F13A1: variants seen among roughly 807,000 people sequenced by gnomAD.
F13A1 encodes FSF, A subunit.
Under a neutral mutation model 80.1 loss-of-function variants are expected in F13A1, and 47 were observed. The observed-to-expected ratio is 0.59, with a 90% CI of 0.46 to 0.75. The LOEUF (loss-of-function observed/expected upper bound fraction) is 0.75, where lower values mean the gene tolerates loss of function less well. Ranked by LOEUF, F13A1 falls within the 30% of genes least tolerant of loss-of-function variation. The pLI is 0.00. For synonymous variants in F13A1, 349 were observed against 344.9 expected, an observed-to-expected ratio of 1.01 and a Z score of -0.13; for missense variants, 817 against 930.4, an observed-to-expected ratio of 0.88 and a Z score of 1.59.
chr6:6,196,931 C>T (rs1403003209), intron 9 of F13A1, among the ~76,000 whole-genome samples: 4 of 152,188 alleles, frequency 2.6e-5, no homozygotes, highest in Non-Finnish European at 5.9e-5. Flanking sequence ...AGTAAAAATG[C>T]TTACAGATAT....
At chr6:6,166,246 A>G (rs1414976849) in intron 13 of F13A1, among the ~76,000 whole-genome samples, 1 of 152,216 alleles carries the variant, frequency 6.6e-6, no homozygotes, top group Non-Finnish European at 1.5e-5. Context: ...TTGGTGGTTG[A>G]AAATGCAACC....
chr6:6,227,924 T>G (rs1241954459), intron 6 of F13A1, among the ~76,000 whole-genome samples: 1 of 152,216 alleles, frequency 6.6e-6, no homozygotes, highest in East Asian at 1.9e-4. Context: ...GTTTTCTAAT[T>G]AGAACATTGA....
At chr6:6,193,587 A>T (rs777380601) in intron 10 of F13A1, among the ~76,000 whole-genome samples, 1 of 152,234 alleles carries the variant, frequency 6.6e-6, no homozygotes. Flanking sequence ...TCTGTCAGAC[A>T]CGCCTCTGCA....
At chr6:6,152,737 C>T (rs73357516) in intron 13 of F13A1, among the ~76,000 whole-genome samples, 6,362 of 152,208 alleles carry the variant, frequency 0.042, 447 homozygotes, top group African/African-American at 0.15. Context: ...ATTACTATAC[C>T]TTAAGCTGTG....
At chr6:6,310,512 A>G (rs1006276767) in intron 2 of F13A1, among the ~76,000 whole-genome samples, 43 of 152,070 alleles carry the variant, frequency 2.8e-4, no homozygotes, top group Admixed American at 2.2e-3. Context: ...GTTTATTATT[A>G]TTGTTGTTGT....
At chr6:6,317,071 A>G (rs1758696137) in intron 2 of F13A1, among the ~76,000 whole-genome samples, 1 of 152,134 alleles carries the variant, frequency 6.6e-6, no homozygotes, top group African/African-American at 2.4e-5. Flanking sequence ...TCCAGTGCCT[A>G]CACCCCCTTT....
rs117396225 is a variant in F13A1 at position 6,194,180 on chromosome 6, T to G, written c.1305+1617A>C. ...TCATAACAACCCCTCCAATCCGTGTTCCACAAGGCTGTCAGCACCTTGCCC... is the reference window on the plus strand; with the variant it reads ...TCATAACAACCCCTCCAATCCGTGTGCCACAAGGCTGTCAGCACCTTGCCC... On this transcript the variant is annotated intron_variant, in intron 10 of 14. Transcript: ENST00000264870. 3.5e-4 allele frequency among the ~76,000 whole-genome samples: 53 copies of G among 152,222 alleles called. No individual in the cohort carries two copies. The East Asian group carries it at 0.01, about 29-fold the overall frequency.
intron 2 of F13A1, among the ~76,000 whole-genome samples, chr6:6,309,516 A>G (rs921752934): frequency 1.3e-5 from 2 of 152,180 alleles, no homozygotes; most frequent in Non-Finnish European, 2.9e-5. Flanking sequence ...TAGTTGCTTA[A>G]GAAATTGAAA....
At chr6:6,305,142 G>A in intron 3 of F13A1, 1 of 629,616 alleles carries the variant, frequency 1.6e-6, no homozygotes, top group East Asian at 2.8e-5. Context: ...ATTTATATGA[G>A]ATTTTCTCCT....
intron 6 of F13A1, among the ~76,000 whole-genome samples, chr6:6,225,555 T>C (rs1757265297): frequency 6.6e-6 from 1 of 152,150 alleles, no homozygotes; most frequent in Admixed American, 6.6e-5. Flanking sequence ...TCACACAGGC[T>C]GGAATGCAGT....
chr6:6,312,550 T>G lies in F13A1; in HGVS notation c.130+5985A>C, dbSNP rs184825202. On this transcript the variant is annotated intron_variant, in intron 2 of 14. Coordinates refer to ENST00000264870, the MANE Select transcript of F13A1 (RefSeq NM_000129.4). Reference sequence around the variant, plus strand: ...AAAGTTAGCTGGTCGTGGTGGCACGTGCCTGTAGTCCCAGCTACTCGGGAG... The same window carrying G: ...AAAGTTAGCTGGTCGTGGTGGCACGGGCCTGTAGTCCCAGCTACTCGGGAG... 1.2e-4 allele frequency among the ~76,000 whole-genome samples: 2 copies of G among 16,678 alleles called. 1 individual carries two copies. Among genetic ancestry groups the G allele is most frequent in the Non-Finnish European group, 2.1e-4 (2 of 9,582 alleles). The allele number at this position is 16,678 out of a possible 152,430, so 10.9% of individuals were successfully genotyped here.
intron 8 of F13A1, among the ~76,000 whole-genome samples, chr6:6,206,039 C>T (rs776277540): frequency 1.3e-5 from 2 of 152,062 alleles, no homozygotes; most frequent in African/African-American, 2.4e-5. Flanking sequence ...ATTTTGAGAG[C>T]ATTTGTTTGT....
intron 6 of F13A1, among the ~76,000 whole-genome samples, chr6:6,247,210 A>G (rs1461605213): frequency 6.6e-6 from 1 of 152,068 alleles, no homozygotes; most frequent in Admixed American, 6.5e-5. Context: ...AAAGCTAACC[A>G]GAAATTATAT....
chr6:6,297,444 A>G, intron 3 of F13A1, among the ~76,000 whole-genome samples: 1 of 151,064 alleles, frequency 6.6e-6, no homozygotes. Context: ...TGGTCTATTC[A>G]GAGATTCAAC....
At chr6:6,265,086 C>T (rs988331945) in intron 4 of F13A1, among the ~76,000 whole-genome samples, 1 of 152,122 alleles carries the variant, frequency 6.6e-6, no homozygotes, top group Non-Finnish European at 1.5e-5. Context: ...CATAGTGACA[C>T]CACGTCTCTA....
Position 6,243,969 on chromosome 6 carries a change from G to C in F13A1, c.798+4343C>G, listed in dbSNP as rs748816450. Among the ~76,000 whole-genome samples the C allele has an allele frequency of 3.5e-4, 54 of 152,182 alleles. No individual in the cohort carries two copies. The highest frequency in any genetic ancestry group is 6.2e-4 in the Non-Finnish European group (42 of 68,034). On this transcript the variant is annotated intron_variant, in intron 6 of 14. Transcript: ENST00000264870. This position sits in a 1 kb window ranked among gnomAD's most constrained non-coding sequence, Gnocchi z 4.2. ...TAGTTGCTGCCAGATCCTATCAGTCGGGAGGCAGGAACAGGCATAGACAGG... is the reference window on the plus strand; with the variant it reads ...TAGTTGCTGCCAGATCCTATCAGTCCGGAGGCAGGAACAGGCATAGACAGG...
At chr6:6,220,875 C>T (rs1401964481) in intron 8 of F13A1, among the ~76,000 whole-genome samples, 1 of 152,176 alleles carries the variant, frequency 6.6e-6, no homozygotes, top group Non-Finnish European at 1.5e-5. Flanking sequence ...CTTTGCTACT[C>T]ATTCAGCAAT....
At position 6,146,214 on chromosome 6, in the gene F13A1, T is replaced by C. The variant is rs150724202; in HGVS notation, c.2046-442A>G. Among the ~76,000 whole-genome samples the C allele has an allele frequency of 1.7e-3, 259 of 152,346 alleles. 2 individuals carry two copies. Among genetic ancestry groups the C allele is most frequent in the South Asian group, 0.015 (71 of 4,818 alleles). ...CCCCCAGCTGCCTTTGCTGAGGCCC[T>C]GACACTCGAATTAGCTTTTGCCAAC... On this transcript the variant is annotated intron_variant, in intron 14 of 14. Transcript: ENST00000264870.
At position 6,222,083 on chromosome 6, in the gene F13A1, G is replaced by A. The variant is rs770054782; in HGVS notation, c.1062C>T (p.Phe354=). The A allele has an allele frequency of 1.2e-6, 2 of 1,614,016 alleles. No individual in the cohort carries two copies. The highest frequency in any genetic ancestry group is 2.2e-5 in the South Asian group (2 of 91,068). ...DNDANLQMDI[F]LEEDGNVNSK... The stretch of plus-strand genomic sequence containing the variant: ...AATTCACGTTCCCATCTTCTTCCAG[G>A]AAGATGTCCATTTGCAAATTGGCAT... Residue 354 remains phenylalanine (F), a synonymous_variant, in exon 8 of 15, where the codon TTC becomes TTT. Transcript: ENST00000264870.
Sources: gnomAD v4.1 joint callset for allele counts (sites outside exome capture counted in the v4.1 genomes callset) on GRCh38, gnomAD v4.1.1 for gene constraint, Gnocchi (gnomAD v3.1) non-coding constraint, MANE v1.5 for transcripts, NCBI Gene and HGNC (gene_info 2026-07-23, HGNC 2026-07-21) for gene names.